PCDH9: variants seen among roughly 807,000 people sequenced by gnomAD.
PCDH9 encodes the protein protocadherin-9.
Under a neutral mutation model 70.6 loss-of-function variants are expected in PCDH9, and 24 were observed. The observed-to-expected ratio is 0.34, with a 90% CI of 0.25 to 0.48. PCDH9 has a LOEUF of 0.48. Among genes scored for constraint, PCDH9 ranks in the 20% least tolerant of loss-of-function variants. The pLI, the probability that PCDH9 is intolerant of heterozygous loss-of-function variation, is 0.99. For synonymous variants in PCDH9, 562 were observed against 558.5 expected (o/e 1.01, Z -0.09); for missense variants, 1,281 against 1,503.6 (o/e 0.85, Z 2.45).
chr13:67,178,211 A>T (rs181608236), intron 2 of PCDH9, among the ~76,000 whole-genome samples: 43 of 152,148 alleles, frequency 2.8e-4, no homozygotes, highest in Non-Finnish European at 5.4e-4. Context: ...TCTTGCTGAG[A>T]TCACTAAGAT....
intron 4 of PCDH9, among the ~76,000 whole-genome samples, chr13:66,454,180 T>C (rs1462857743): frequency 2.0e-5 from 3 of 152,052 alleles, no homozygotes; most frequent in Admixed American, 1.3e-4. Flanking sequence ...GCATTTTCTT[T>C]CTAAAACTAA....
chr13:67,141,623 T>C (rs1243676487), intron 2 of PCDH9, among the ~76,000 whole-genome samples: 1 of 151,812 alleles, frequency 6.6e-6, no homozygotes, highest in Non-Finnish European at 1.5e-5. Flanking sequence ...GTATTTCCAT[T>C]AGAGATAGAG....
chr13:67,077,966 G>A (rs556992024), intron 2 of PCDH9, among the ~76,000 whole-genome samples: 27 of 152,194 alleles, frequency 1.8e-4, no homozygotes, highest in Middle Eastern at 3.4e-3. Context: ...ATTTGATGAA[G>A]TACACATTCC....
intron 2 of PCDH9, among the ~76,000 whole-genome samples, chr13:67,163,135 A>G (rs994427915): frequency 6.6e-6 from 1 of 152,204 alleles, no homozygotes; most frequent in Non-Finnish European, 1.5e-5. Context: ...CTCCGTGTGC[A>G]TGAATGAGAA....
intron 4 of PCDH9, among the ~76,000 whole-genome samples, chr13:66,552,437 AG>A (rs747578374): frequency 8.5e-5 from 13 of 152,248 alleles, no homozygotes; most frequent in Non-Finnish European, 1.5e-4. Flanking sequence ...TATGACTAAT[AG>A]GAGACCAAAA....
intron 3 of PCDH9, among the ~76,000 whole-genome samples, chr13:66,685,301 A>G (rs1271141894): frequency 6.6e-6 from 1 of 152,228 alleles, no homozygotes; most frequent in Non-Finnish European, 1.5e-5. Context: ...AGTACAGCTC[A>G]TATCATTGCT....
chr13:66,844,178 C>T (rs1404278333), intron 3 of PCDH9, among the ~76,000 whole-genome samples: 1 of 151,896 alleles, frequency 6.6e-6, no homozygotes, highest in Non-Finnish European at 1.5e-5. Context: ...TTTTATTTTC[C>T]AAATTCTTCA....
intron 2 of PCDH9, among the ~76,000 whole-genome samples, chr13:67,190,558 T>C (rs761524283): frequency 3.3e-5 from 5 of 151,998 alleles, no homozygotes; most frequent in Non-Finnish European, 7.4e-5. Flanking sequence ...GAATGTACTT[T>C]CTAAGGTAGA....
At chr13:67,025,841 T>C (rs1262350010) in intron 2 of PCDH9, among the ~76,000 whole-genome samples, 1 of 152,124 alleles carries the variant, frequency 6.6e-6, no homozygotes, top group Non-Finnish European at 1.5e-5. Flanking sequence ...GAAAAGTTTC[T>C]AAAATGAAGA....
At chr13:66,443,432 CTA>C (rs1958011041) in intron 4 of PCDH9, among the ~76,000 whole-genome samples, 1 of 152,122 alleles carries the variant, frequency 6.6e-6, no homozygotes, top group South Asian at 2.1e-4. Context: ...TAAATTGTTT[CTA>C]TGTTACTGTT....
chr13:66,697,910 T>C (rs1254638491), intron 3 of PCDH9, among the ~76,000 whole-genome samples: 1 of 152,222 alleles, frequency 6.6e-6, no homozygotes, highest in Non-Finnish European at 1.5e-5. Context: ...AAACAAAATG[T>C]TATATATACA....
chr13:66,815,989 T>C (rs2139370565), intron 3 of PCDH9, among the ~76,000 whole-genome samples: 1 of 152,298 alleles, frequency 6.6e-6, no homozygotes, highest in East Asian at 1.9e-4. Flanking sequence ...TAAGAACAAA[T>C]ATTACATTGG....
At chr13:66,592,314 C>G (rs2077048687) in intron 4 of PCDH9, among the ~76,000 whole-genome samples, 1 of 151,616 alleles carries the variant, frequency 6.6e-6, no homozygotes, top group African/African-American at 2.4e-5. Context: ...AGATCAGTAT[C>G]AAGCTTCCAA....
intron 2 of PCDH9, among the ~76,000 whole-genome samples, chr13:66,953,386 A>G (rs1411832239): frequency 2.0e-5 from 3 of 152,216 alleles, no homozygotes; most frequent in Non-Finnish European, 4.4e-5. Flanking sequence ...AACACAGTAC[A>G]TGTTCAAAAT....
intron 2 of PCDH9, among the ~76,000 whole-genome samples, chr13:66,958,793 T>C (rs1327086688): frequency 6.6e-6 from 1 of 152,212 alleles, no homozygotes; most frequent in Non-Finnish European, 1.5e-5. Context: ...CCATTTCCAT[T>C]GAAGTGTCAC....
intron 4 of PCDH9, among the ~76,000 whole-genome samples, chr13:66,430,609 G>T (rs936114673): frequency 1.3e-5 from 2 of 151,914 alleles, no homozygotes; most frequent in Non-Finnish European, 2.9e-5. Context: ...ATGGTGAGAG[G>T]GTCCTGCCAT....
intron 3 of PCDH9, among the ~76,000 whole-genome samples, chr13:66,829,261 C>T (rs2080880678): frequency 6.6e-6 from 1 of 152,162 alleles, no homozygotes; most frequent in African/African-American, 2.4e-5. Flanking sequence ...AGGTGATCCA[C>T]CCACCTCGGC....
intron 4 of PCDH9, among the ~76,000 whole-genome samples, chr13:66,538,422 A>T (rs17081484): frequency 0.032 from 4,862 of 152,240 alleles, 253 homozygotes; most frequent in African/African-American, 0.11. Flanking sequence ...CGATTCTTCA[A>T]TATTCACATC....
chr13:66,810,567 T>C (rs1183322380), intron 3 of PCDH9, among the ~76,000 whole-genome samples: 1 of 152,034 alleles, frequency 6.6e-6, no homozygotes, highest in Non-Finnish European at 1.5e-5. Context: ...ATATTGCTTA[T>C]GCTACTTTAT....
Sources: allele counts gnomAD v4.1 joint callset (sites outside exome capture counted in the v4.1 genomes callset), GRCh38; gene constraint gnomAD v4.1.1; transcripts MANE v1.5; gene names NCBI Gene and HGNC (gene_info 2026-07-23, HGNC 2026-07-21).